The following SYNE2 variants were observed in gnomAD, a reference collection of about 807,000 sequenced individuals.
SYNE2 encodes the protein spectrin repeat containing nuclear envelope protein 2.
A neutral mutation model predicts 856.3 loss-of-function variants in SYNE2; 431 were observed. The ratio of observed to expected loss-of-function variants is 0.50; its 90% CI spans 0.47 to 0.55. The LOEUF is 0.55. Among genes scored for constraint, SYNE2 ranks in the 20% least tolerant of loss-of-function variants. The pLI is 0.00. For synonymous variants in SYNE2, 2,923 were observed against 2,872.3 expected (o/e 1.02, Z -0.56); for missense variants, 8,129 against 8,023.2 (o/e 1.01, Z -0.50).
intron 1 of SYNE2, among the ~76,000 whole-genome samples, chr14:63,830,023 C>T (rs983444390): frequency 6.6e-6 from 1 of 152,038 alleles, no homozygotes; most frequent in Non-Finnish European, 1.5e-5. Context: ...ATATTCTATA[C>T]GGGATATTAT....
chr14:63,918,941 T>G (rs764248861), intron 2 of SYNE2, among the ~76,000 whole-genome samples: 1 of 152,252 alleles, frequency 6.6e-6, no homozygotes, highest in Non-Finnish European at 1.5e-5. Flanking sequence ...CTAGGTTTGC[T>G]GTATATCTCC....
At chr14:64,071,095 A>G (rs529138902) in intron 52 of SYNE2, among the ~76,000 whole-genome samples, 185 bp downstream of exon 52, 2 of 152,348 alleles carry the variant, frequency 1.3e-5, no homozygotes, top group South Asian at 4.1e-4. Flanking sequence ...CCATCCTGGT[A>G]TTAATGAGGG....
chr14:63,795,358 A>T (rs1455538385), intron 1 of SYNE2, among the ~76,000 whole-genome samples: 1 of 152,040 alleles, frequency 6.6e-6, no homozygotes, highest in Non-Finnish European at 1.5e-5. Flanking sequence ...CCTGTACTAG[A>T]TGTTTCCTGC....
chr14:64,126,865 C>G (rs1305564758), intron 73 of SYNE2, 58 bp downstream of exon 73: 1 of 1,519,348 alleles, frequency 6.6e-7, no homozygotes, highest in Non-Finnish European at 9.0e-7. Flanking sequence ...GCATGAACCC[C>G]TAATGCCTAT....
intron 1 of SYNE2, among the ~76,000 whole-genome samples, chr14:63,885,500 T>A (rs80293372): frequency 0.033 from 4,958 of 152,304 alleles, 286 homozygotes; most frequent in African/African-American, 0.11. Flanking sequence ...CATAATTGTT[T>A]CCTATGTTTT....
intron 43 of SYNE2, among the ~76,000 whole-genome samples, chr14:64,028,738 C>A (rs939056076): frequency 1.3e-5 from 2 of 152,118 alleles, no homozygotes; most frequent in African/African-American, 4.8e-5. Context: ...TCAATATTAT[C>A]CATCCATCCA....
chr14:63,883,648 G>A (rs1595418243), intron 1 of SYNE2, among the ~76,000 whole-genome samples: 1 of 152,226 alleles, frequency 6.6e-6, no homozygotes. Flanking sequence ...GCGCCACTGC[G>A]CCTGGCCTTT....
intron 1 of SYNE2, among the ~76,000 whole-genome samples, chr14:63,785,500 A>G (rs1300511515): frequency 6.6e-6 from 1 of 152,076 alleles, no homozygotes; most frequent in Non-Finnish European, 1.5e-5. Flanking sequence ...CACCTGGCAC[A>G]CTTCATATCC....
chr14:64,160,254 G>C (rs2098318230), intron 87 of SYNE2, among the ~76,000 whole-genome samples: 1 of 152,202 alleles, frequency 6.6e-6, no homozygotes, highest in Admixed American at 6.5e-5. Flanking sequence ...CAAAACGTAT[G>C]GCAGGGCAGT....
chr14:63,941,566 T>C (rs2095916992), intron 3 of SYNE2, 129 bp from the exon 4 acceptor site: 1 of 753,972 alleles, frequency 1.3e-6, no homozygotes, highest in Non-Finnish European at 2.3e-6. Context: ...ATGTTCTCTC[T>C]CATTCTCTTA....
chr14:64,187,644 G>A (rs1032164721), intron 97 of SYNE2, among the ~76,000 whole-genome samples: 99 of 152,188 alleles, frequency 6.5e-4, no homozygotes, highest in African/African-American at 2.3e-3. Flanking sequence ...TTTCTCCTCC[G>A]AAAAGAGCAG....
chr14:63,974,716 G>A (rs1286279771), intron 11 of SYNE2, among the ~76,000 whole-genome samples: 1 of 148,686 alleles, frequency 6.7e-6, no homozygotes, highest in Non-Finnish European at 1.5e-5. Context: ...GATCCACCAT[G>A]CCAGCATACA....
At chr14:63,960,057 ATTG>A (rs1332785999) in intron 8 of SYNE2, among the ~76,000 whole-genome samples, 2 of 152,232 alleles carry the variant, frequency 1.3e-5, no homozygotes, top group Admixed American at 6.5e-5. Context: ...TTGACGTAAT[ATTG>A]TTAACACATT....
intron 100 of SYNE2, among the ~76,000 whole-genome samples, chr14:64,206,671 T>G (rs1444485745): frequency 1.3e-5 from 2 of 152,126 alleles, no homozygotes; most frequent in African/African-American, 2.4e-5. Context: ...AGCCATTTGA[T>G]TCAATGTAAG....
chr14:64,014,856 TG>T (rs1200613138), intron 32 of SYNE2, among the ~76,000 whole-genome samples: 1 of 149,188 alleles, frequency 6.7e-6, no homozygotes, highest in African/African-American at 2.5e-5. Context: ...TGGGTTACAT[TG>T]ATTGATTTTT....
rs184683378 is a variant in SYNE2 at position 64,128,442 on chromosome 14, T to C, written c.13918-10T>C. 1.2e-3 allele frequency: 1,727 copies of C among 1,449,790 alleles called. 14 individuals are homozygous for C. The highest frequency in any genetic ancestry group is 4.2e-3 in the South Asian group (366 of 87,746). The allele number at this position is 1,449,790 out of a possible 1,614,324, so 89.8% of individuals were successfully genotyped here. A position where few individuals can be genotyped will look rare whatever the true frequency, so the allele number is the denominator to read the frequency against. On this transcript the variant is annotated splice_polypyrimidine_tract_variant and intron_variant, in intron 73 of 115. Transcript: ENST00000555002. ...ATGAGATTGCTCAGTTTCCGACATTTATCTTACAGAATGAAATAAAGAGAT... is the reference window on the plus strand; with the variant it reads ...ATGAGATTGCTCAGTTTCCGACATTCATCTTACAGAATGAAATAAAGAGAT...
intron 1 of SYNE2, among the ~76,000 whole-genome samples, chr14:63,813,158 G>T (rs1888682246): frequency 6.6e-6 from 1 of 152,142 alleles, no homozygotes. Context: ...CAGACCTAAG[G>T]AAAGCCTATA....
chr14:64,186,669 T>C (rs2098492743), intron 97 of SYNE2, 90 bp downstream of exon 97: 3 of 1,578,198 alleles, frequency 1.9e-6, no homozygotes, highest in Non-Finnish European at 2.6e-6. Flanking sequence ...CTTAATTTCA[T>C]TGAACCGGAG....
chr14:64,137,650 T>C, intron 78 of SYNE2, 137 bp from the exon 79 acceptor site: 1 of 885,034 alleles, frequency 1.1e-6, no homozygotes, highest in Non-Finnish European at 1.8e-6. Flanking sequence ...CCAGTCAGAC[T>C]ATATAGTCTT....
Sources: gnomAD v4.1 joint callset for allele counts (sites outside exome capture counted in the v4.1 genomes callset) on GRCh38, gnomAD v4.1.1 for gene constraint, MANE v1.5 for transcripts, NCBI Gene and HGNC (gene_info 2026-07-23, HGNC 2026-07-21) for gene names.